Variants in TCF4 observed in about 807,000 individuals in gnomAD.
The protein encoded by TCF4 is SL3-3 enhancer factor 2.
Under a neutral mutation model 82.1 loss-of-function variants are expected in TCF4, and 3 were observed. The ratio of observed to expected loss-of-function variants is 0.04; its 90% CI spans 0.02 to 0.09. The LOEUF (loss-of-function observed/expected upper bound fraction) is 0.09. TCF4 is among the 10% of genes least tolerant of loss of function. The pLI is 1.00. For synonymous variants in TCF4, 276 were observed against 309.6 expected, an observed-to-expected ratio of 0.89 and a Z score of 1.14; for missense variants, 518 against 852.7, an observed-to-expected ratio of 0.61 and a Z score of 4.89.
chr18:55,588,321 G>GT (rs1458506064), upstream of TCF4: 77 of 1,475,208 alleles, frequency 5.2e-5, no homozygotes, highest in African/African-American at 9.2e-4. Flanking sequence ...AAAGAAATGG[G>GT]TGGGGGGGCT....
intron 6 of TCF4, among the ~76,000 whole-genome samples, chr18:55,393,613 G>A (rs1405899317): frequency 6.6e-6 from 1 of 152,108 alleles, no homozygotes; most frequent in African/African-American, 2.4e-5. Context: ...CTGCATGTTA[G>A]GGTCCTTTCC....
At chr18:55,306,571 T>C (rs979929155) in intron 8 of TCF4, among the ~76,000 whole-genome samples, 1 of 152,196 alleles carries the variant, frequency 6.6e-6, no homozygotes, top group Non-Finnish European at 1.5e-5. Context: ...CTTTAGTAAA[T>C]TCATCTGAAA....
chr18:55,362,437 A>AAGGAAGGAAGGAAG (rs1569192813), intron 6 of TCF4, among the ~76,000 whole-genome samples: 1 of 113,162 alleles, frequency 8.8e-6, no homozygotes, highest in African/African-American at 3.9e-5. Flanking sequence ...AAGGAAGGAA[A>AAGGAAGGAAGGAAG]AAAAAAAAGA....
chr18:55,434,576 C>G (rs926883285), intron 5 of TCF4, among the ~76,000 whole-genome samples: 7 of 151,500 alleles, frequency 4.6e-5, no homozygotes. Context: ...CCCGCCACCA[C>G]GCCCGGCTAA....
upstream of TCF4, chr18:55,588,374 A>G (rs1603624949): frequency 2.0e-6 from 3 of 1,523,014 alleles, no homozygotes; most frequent in Non-Finnish European, 2.6e-6. Context: ...GCAGGCTAGG[A>G]TGCATCCCCC....
intron 5 of TCF4, among the ~76,000 whole-genome samples, chr18:55,455,179 CAAAAAAAAAAA>C (rs35889370): frequency 1.5e-5 from 1 of 67,474 alleles, no homozygotes; most frequent in South Asian, 6.6e-4. Context: ...GACTCTGTCT[CAAAAAAAAAAA>C]AAAAAAAAAA....
intron 8 of TCF4, among the ~76,000 whole-genome samples, chr18:55,329,060 GA>G (rs1249854423): frequency 1.3e-5 from 2 of 152,162 alleles, no homozygotes; most frequent in Non-Finnish European, 2.9e-5. Context: ...GGAATGAAAA[GA>G]GTAGGTATAA....
At chr18:55,511,570 A>T (rs764545132) in intron 3 of TCF4, among the ~76,000 whole-genome samples, 6 of 152,100 alleles carry the variant, frequency 3.9e-5, no homozygotes, top group Non-Finnish European at 8.8e-5. Context: ...TTCATTCTGG[A>T]AGTAAATTAT....
At chr18:55,292,030 T>A (rs1380200057) in intron 8 of TCF4, among the ~76,000 whole-genome samples, 2 of 152,134 alleles carry the variant, frequency 1.3e-5, no homozygotes, top group Non-Finnish European at 2.9e-5. Context: ...GCAATAATAT[T>A]CCTGAGATAG....
At chr18:55,471,658 C>G (rs1386438990) in intron 3 of TCF4, among the ~76,000 whole-genome samples, 2 of 151,612 alleles carry the variant, frequency 1.3e-5, no homozygotes, top group Admixed American at 6.6e-5. Flanking sequence ...CCCAGCTACT[C>G]AAGAGGCTGA....
At chr18:55,622,150 T>TACACACACACAC (rs10654991) in intron 2 of TCF4, among the ~76,000 whole-genome samples, 1 of 139,516 alleles carries the variant, frequency 7.2e-6, no homozygotes, top group African/African-American at 2.7e-5. Context: ...CCTTCAAGAT[T>TACACACACACAC]ACACACACAC....
chr18:55,512,021 T>C (rs1603617993), intron 3 of TCF4, among the ~76,000 whole-genome samples: 2 of 152,240 alleles, frequency 1.3e-5, no homozygotes, highest in Admixed American at 1.3e-4. Flanking sequence ...ATGAAAAACG[T>C]TCAGTGTCAT....
At chr18:55,474,065 C>T (rs1159836799) in intron 3 of TCF4, among the ~76,000 whole-genome samples, 2 of 152,104 alleles carry the variant, frequency 1.3e-5, no homozygotes, top group South Asian at 2.1e-4. Flanking sequence ...TAGTATCAAA[C>T]ACATATAATG....
At chr18:55,248,531 A>G (rs925989198) in intron 15 of TCF4, among the ~76,000 whole-genome samples, 10 of 152,168 alleles carry the variant, frequency 6.6e-5, no homozygotes, top group African/African-American at 2.4e-4. Context: ...TTTGCCAAAT[A>G]TTACTGGTAG....
chr18:55,232,587 T>C lies in TCF4; in HGVS notation c.1571A>G (p.Gln524Arg). The C allele has an allele frequency of 6.2e-7, 1 of 1,614,214 alleles. No individual in the cohort carries two copies. The highest frequency in any genetic ancestry group is 2.2e-5 in the East Asian group (1 of 44,886). The stretch of plus-strand genomic sequence containing the variant: ...CTTGTCCTCCGAAGATTTCGTGTCT[T>C]GCAGGTTCTCATCACCCTCGTCATC... ...KSDDEGDENLQDTKSSEDKKL... is the reference protein window; with the variant it reads ...KSDDEGDENLRDTKSSEDKKL... Residue 524 changes from glutamine to arginine, a missense_variant, in exon 17 of 20, where the codon CAA (glutamine) becomes CGA (arginine). This residue lies in a region of TCF4 where 144 missense variants were observed against 190.2 expected (regional missense o/e 0.76). Coordinates refer to ENST00000354452, the MANE Select transcript of TCF4 (RefSeq NM_001083962.2).
intron 3 of TCF4, among the ~76,000 whole-genome samples, chr18:55,467,027 TC>T (rs1183018807): frequency 6.6e-6 from 1 of 152,166 alleles, no homozygotes; most frequent in Non-Finnish European, 1.5e-5. Context: ...TGAACAGGCT[TC>T]CCCTTCCCTT....
chr18:55,558,300 T>C (rs1416715206), intron 3 of TCF4, among the ~76,000 whole-genome samples: 1 of 152,160 alleles, frequency 6.6e-6, no homozygotes, highest in African/African-American at 2.4e-5. Context: ...TAAACTACAG[T>C]TTATTTTATG....
At chr18:55,314,060 A>G (rs551180603) in intron 8 of TCF4, among the ~76,000 whole-genome samples, 1 of 152,310 alleles carries the variant, frequency 6.6e-6, no homozygotes, top group African/African-American at 2.4e-5. Flanking sequence ...AGCTTAGTGC[A>G]GCAGGTAGAG....
rs114663916 is a variant in TCF4, at chr18:55,306,411, G to T, written c.550-26755C>A. Among the ~76,000 whole-genome samples, 192 of 152,290 alleles carry T rather than the reference G, an allele frequency of 1.3e-3. 1 individual carries two copies. Among genetic ancestry groups the T allele is most frequent in the African/African-American group, 4.2e-3 (175 of 41,572 alleles). On this transcript the variant is annotated intron_variant, in intron 8 of 19. Coordinates refer to ENST00000354452, the MANE Select transcript of TCF4 (RefSeq NM_001083962.2). ...TCAAGATGGTGGCTAGTTAAAGAAA[G>T]CAAGCCCATGCCAGGGAGTTTGATC...
Sources: allele counts gnomAD v4.1 joint callset (sites outside exome capture counted in the v4.1 genomes callset), GRCh38; gene constraint gnomAD v4.1.1; regional missense constraint gnomAD v4.1.1; transcripts MANE v1.5; gene names NCBI Gene and HGNC (gene_info 2026-07-23, HGNC 2026-07-21).